Variants in MCTP2 observed in about 807,000 individuals in gnomAD.
MCTP2 encodes the protein multiple C2 and transmembrane domain-containing protein 2.
MCTP2 carries 132 observed loss-of-function variants against 111.6 expected under a neutral mutation model. The ratio of observed to expected loss-of-function variants is 1.18; its 90% confidence interval spans 1.03 to 1.37. The LOEUF is 1.37. Ranked by LOEUF, MCTP2 falls within the 40% of genes most tolerant of loss-of-function variation. The pLI, the probability that MCTP2 is intolerant of heterozygous loss-of-function variation, is 0.00. For missense variants in MCTP2, 1,183 were observed against 1,067.9 expected (o/e 1.11, Z -1.50); for synonymous variants, 395 against 387.7 (o/e 1.02, Z -0.22).
intron 1 of MCTP2, among the ~76,000 whole-genome samples, chr15:94,248,999 G>T (rs755410791): frequency 3.3e-5 from 5 of 152,190 alleles, no homozygotes; most frequent in Non-Finnish European, 5.9e-5. Context: ...TTAAACTCGA[G>T]CTTAAATGCT....
At chr15:94,313,192 T>G (rs2076225292) in intron 2 of MCTP2, among the ~76,000 whole-genome samples, 1 of 152,190 alleles carries the variant, frequency 6.6e-6, no homozygotes, top group Non-Finnish European at 1.5e-5. Context: ...GGAGGCCATT[T>G]GCCCATGTCC....
chr15:94,266,245 C>T (rs552758869), intron 1 of MCTP2, among the ~76,000 whole-genome samples: 1 of 152,290 alleles, frequency 6.6e-6, no homozygotes. Flanking sequence ...TGTGAGGGGG[C>T]CACAGCCTCT....
Position 94,399,057 on chromosome 15 carries a change from A to G in MCTP2, c.1885A>G (p.Asn629Asp). 6.8e-7 allele frequency: 1 copy of G among 1,476,810 alleles called. No individual in the cohort carries two copies. The highest frequency in any genetic ancestry group is 9.5e-7 in the Non-Finnish European group (1 of 1,055,640). 91.5% of individuals were successfully genotyped at this position (1,476,810 alleles called of 1,614,324 possible). A position where few individuals can be genotyped will look rare whatever the true frequency, so the allele number is the denominator to read the frequency against. The change falls in exon 15 of 23, where the codon AAT becomes GAT. Residue 629 changes from asparagine to aspartate, a missense_variant. Coordinates refer to ENST00000357742, the MANE Select transcript of MCTP2 (RefSeq NM_001385001.1). ...TTACTTAGAGATGGACCTTATATATAATCCGGTAAGTCTAGCTGGGTCATA... is the reference window on the plus strand; with the variant it reads ...TTACTTAGAGATGGACCTTATATATGATCCGGTAAGTCTAGCTGGGTCATA... ...VIYLEMDLIYNPVKASIRTFT... is the reference protein window; with the variant it reads ...VIYLEMDLIYDPVKASIRTFT...
intron 4 of MCTP2, among the ~76,000 whole-genome samples, chr15:94,330,654 A>G (rs1049641932): frequency 1.3e-5 from 2 of 152,126 alleles, no homozygotes; most frequent in Admixed American, 6.6e-5. Flanking sequence ...TACAGGGACA[A>G]CCATGTATGA....
chr15:94,317,917 T>C (rs889439802), intron 4 of MCTP2, among the ~76,000 whole-genome samples: 1 of 140,422 alleles, frequency 7.1e-6, no homozygotes, highest in African/African-American at 2.7e-5. Context: ...ACCTATCAAG[T>C]GTATCCCTTC....
At position 94,314,961 on chromosome 15, in the gene MCTP2, A is replaced by G. The variant is rs145381896; in HGVS notation, c.529-568A>G. ...GCCGGGAGAGCACTGGACAGAGACA[A>G]TGTCCTTTGGGGACCCAGGGAAGAG... On this transcript the variant is annotated intron_variant, in intron 3 of 22. Coordinates refer to ENST00000357742, the MANE Select transcript of MCTP2 (RefSeq NM_001385001.1). 2,060 of 338,364 alleles carry G rather than the reference A, an allele frequency of 6.1e-3. 11 individuals carry two copies. The highest frequency in any genetic ancestry group is 8.1e-3 in the Non-Finnish European group (1,403 of 172,938). The allele number at this position is 338,364 out of a possible 1,614,324, so 21.0% of individuals were successfully genotyped here.
intron 1 of MCTP2, among the ~76,000 whole-genome samples, chr15:94,253,059 T>C (rs1188145534): frequency 6.6e-6 from 1 of 152,174 alleles, no homozygotes; most frequent in Admixed American, 6.5e-5. Flanking sequence ...AGCTGACTTT[T>C]CTGCAACATT....
chr15:94,411,338 C>G (rs1388871464), intron 17 of MCTP2, among the ~76,000 whole-genome samples: 4 of 146,334 alleles, frequency 2.7e-5, no homozygotes, highest in African/African-American at 1.0e-4. Flanking sequence ...TGTTTCTAAG[C>G]TGTCATTTTT....
chr15:94,422,243 G>A (rs550238245), intron 17 of MCTP2, among the ~76,000 whole-genome samples: 1 of 152,226 alleles, frequency 6.6e-6, no homozygotes, highest in Non-Finnish European at 1.5e-5. Context: ...TTCATGGGGA[G>A]AGGAATGGAT....
intron 4 of MCTP2, among the ~76,000 whole-genome samples, chr15:94,332,217 A>G (rs748154718): frequency 5.9e-5 from 9 of 152,232 alleles, no homozygotes; most frequent in Non-Finnish European, 1.3e-4. Flanking sequence ...TGAGTAGCTC[A>G]GCTCTACTGT....
At chr15:94,399,087 C>G (rs2081423565) in intron 15 of MCTP2, 25 bp downstream of exon 15, 2 of 1,159,934 alleles carry the variant, frequency 1.7e-6, no homozygotes, top group Non-Finnish European at 2.6e-6. Context: ...GTCATACTTC[C>G]CGGCTTTCCC....
rs575448398 is a variant in MCTP2 at position 94,238,009 on chromosome 15, C to T, written c.-66+6345C>T. On this transcript the variant is annotated intron_variant, in intron 1 of 22. Coordinates refer to ENST00000357742, the MANE Select transcript of MCTP2 (RefSeq NM_001385001.1). ...AGTTGTCACGCCTTTTTGAACCAAA[C>T]CAATGTATTTCTTGAACGTATTTCA... Among the ~76,000 whole-genome samples, 17 of 152,048 alleles carry T rather than the reference C, an allele frequency of 1.1e-4. No individual in the cohort carries two copies. In the East Asian group the frequency reaches 3.1e-3, roughly 28 times the overall value.
chr15:94,385,326 C>T, intron 13 of MCTP2, 97 bp from the exon 14 acceptor site: 2 of 794,578 alleles, frequency 2.5e-6, no homozygotes, highest in Non-Finnish European at 4.3e-6. Flanking sequence ...ACTCTAAGGA[C>T]ATACAGACTT....
In MCTP2 at chr15:94,464,239, A is replaced by AATATATATATATATATATATTAT. The variant is rs1555481312; in HGVS notation, c.2360+6011_2360+6012insATTATATATATATATATATATAT. On this transcript the variant is annotated intron_variant, in intron 20 of 22. Coordinates refer to ENST00000357742, the MANE Select transcript of MCTP2 (RefSeq NM_001385001.1). Reference sequence around the variant, plus strand: ...TGAAATATTATATGTTTATATATATAATATATATATATATATATTATATAT... The same window carrying AATATATATATATATATATATTAT: ...TGAAATATTATATGTTTATATATATAATATATATATATATATATATTATATATATATATATATATATTATATAT... Among the ~76,000 whole-genome samples the AATATATATATATATATATATTAT allele has an allele frequency of 6.7e-5, 6 of 89,340 alleles. No individual in the cohort carries two copies. The South Asian group carries it at 9.6e-4, about 14-fold the overall frequency. The allele number at this position is 89,340 out of a possible 152,430, so 58.6% of individuals were successfully genotyped here.
intron 19 of MCTP2, among the ~76,000 whole-genome samples, chr15:94,454,298 A>G (rs1471330233): frequency 1.3e-5 from 2 of 152,200 alleles, no homozygotes; most frequent in Non-Finnish European, 2.9e-5. Flanking sequence ...TCCAAAATGA[A>G]GAAATATGAG....
At chr15:94,424,671 A>G (rs2082793927) in intron 17 of MCTP2, among the ~76,000 whole-genome samples, 1 of 152,194 alleles carries the variant, frequency 6.6e-6, no homozygotes. Flanking sequence ...GTGATTATTG[A>G]ACCATCAGCA....
chr15:94,237,774 G>A (rs1271033292), intron 1 of MCTP2, among the ~76,000 whole-genome samples: 32 of 152,032 alleles, frequency 2.1e-4, no homozygotes, highest in Admixed American at 2.1e-3. Context: ...CACCTTTTAA[G>A]GTCTGAATAG....
At chr15:94,244,398 A>G (rs988298587) in intron 1 of MCTP2, among the ~76,000 whole-genome samples, 3 of 149,714 alleles carry the variant, frequency 2.0e-5, no homozygotes, top group East Asian at 2.0e-4. Context: ...AAATATGTAT[A>G]TTTATATTCG....
intron 14 of MCTP2, among the ~76,000 whole-genome samples, chr15:94,394,482 G>C (rs1053559715): frequency 1.3e-5 from 2 of 152,086 alleles, no homozygotes; most frequent in Admixed American, 6.6e-5. Flanking sequence ...CATTAACATT[G>C]TGACTGGGTG....
Sources: gnomAD v4.1 joint callset for allele counts (sites outside exome capture counted in the v4.1 genomes callset) on GRCh38, gnomAD v4.1.1 for gene constraint, MANE v1.5 for transcripts, NCBI Gene and HGNC (gene_info 2026-07-23, HGNC 2026-07-21) for gene names.